Variants in CACNB4 observed in about 807,000 individuals in gnomAD.
CACNB4 encodes voltage-dependent L-type calcium channel subunit beta-4.
In CACNB4, 32 loss-of-function variants were observed where a neutral mutation model predicts 71.2. That is an observed-to-expected ratio of 0.45 (90% CI 0.34 to 0.60). The LOEUF (loss-of-function observed/expected upper bound fraction) is 0.60. CACNB4 is among the 20% of genes least tolerant of loss of function. CACNB4 has a pLI of 0.01. For synonymous variants in CACNB4, 231 were observed against 236.9 expected (o/e 0.97, Z 0.23); for missense variants, 464 against 647.9 (o/e 0.72, Z 3.08).
chr2:151,965,800 C>G (rs186648492), intron 2 of CACNB4, among the ~76,000 whole-genome samples: 3 of 152,058 alleles, frequency 2.0e-5, no homozygotes, highest in African/African-American at 7.2e-5. Flanking sequence ...GCTGGAAGTG[C>G]ACCATGGGTA....
chr2:151,979,481 T>G (rs2151747094), intron 2 of CACNB4, among the ~76,000 whole-genome samples: 1 of 151,526 alleles, frequency 6.6e-6, no homozygotes, highest in Middle Eastern at 3.4e-3. Flanking sequence ...AAAGAGCCAA[T>G]CTCTTAGAAA....
chr2:151,841,230 C>T lies in CACNB4; in HGVS notation c.1302+673G>A, dbSNP rs539047167. On this transcript the variant is annotated intron_variant, in intron 13 of 13. Transcript: ENST00000539935. ...GGGCAGCTGAAAGGCCTATCTGCAC[C>T]TATATATCTTACTTAGCTATTGTGT... Among the ~76,000 whole-genome samples, 73 of 152,286 alleles carry T rather than the reference C, an allele frequency of 4.8e-4. 1 individual carries two copies. In the South Asian group the frequency reaches 0.014, roughly 30 times the overall value.
intron 2 of CACNB4, among the ~76,000 whole-genome samples, chr2:151,953,535 C>T (rs1379026571): frequency 6.6e-6 from 1 of 152,192 alleles, no homozygotes. Context: ...ACAAAAATAT[C>T]TACATCATAA....
chr2:152,044,298 G>A (rs1243816086), intron 2 of CACNB4, among the ~76,000 whole-genome samples: 2 of 152,128 alleles, frequency 1.3e-5, no homozygotes, highest in East Asian at 3.9e-4. Flanking sequence ...TTGGCTCACT[G>A]CAAGCTCCGC....
intron 2 of CACNB4, among the ~76,000 whole-genome samples, chr2:152,054,727 G>A (rs1403416453): frequency 6.6e-6 from 1 of 152,038 alleles, no homozygotes; most frequent in Non-Finnish European, 1.5e-5. Flanking sequence ...CCATATTCTT[G>A]CCAAAAATTA....
chr2:151,993,473 A>T (rs2151765750), intron 2 of CACNB4, among the ~76,000 whole-genome samples: 1 of 152,298 alleles, frequency 6.6e-6, no homozygotes, highest in East Asian at 1.9e-4. Flanking sequence ...TGAGGCACAC[A>T]AATTACAAGA....
At chr2:151,857,170 G>A (rs2099840526) in intron 10 of CACNB4, 2 of 152,290 alleles carry the variant, frequency 1.3e-5, no homozygotes, top group East Asian at 1.9e-4. Context: ...GATTGACAAG[G>A]TGTGCAGGGT....
chr2:151,994,145 CTAAG>C (rs1234203439), intron 2 of CACNB4, among the ~76,000 whole-genome samples: 1 of 151,670 alleles, frequency 6.6e-6, no homozygotes, highest in Non-Finnish European at 1.5e-5. Flanking sequence ...ACACTCCAGC[CTAAG>C]TAAGAGAGAA....
chr2:152,002,621 G>A (rs1682490639), intron 2 of CACNB4, among the ~76,000 whole-genome samples: 1 of 152,128 alleles, frequency 6.6e-6, no homozygotes, highest in Admixed American at 6.6e-5. Context: ...TCTGAGACTT[G>A]GTTCTATCAT....
chr2:152,007,241 G>A (rs559306283), intron 2 of CACNB4, among the ~76,000 whole-genome samples: 1 of 152,134 alleles, frequency 6.6e-6, no homozygotes, highest in African/African-American at 2.4e-5. Context: ...CCATCCGTAA[G>A]TGTGCAGTTC....
intron 2 of CACNB4, among the ~76,000 whole-genome samples, chr2:152,096,357 GC>G (rs1688268016): frequency 6.6e-6 from 1 of 152,098 alleles, no homozygotes; most frequent in Non-Finnish European, 1.5e-5. Flanking sequence ...GATGGCGGGT[GC>G]CTGTAGTCTC....
chr2:152,067,943 T>G (rs1220162269), intron 2 of CACNB4, among the ~76,000 whole-genome samples: 2 of 152,174 alleles, frequency 1.3e-5, no homozygotes, highest in Admixed American at 1.3e-4. Context: ...ATATTAAAAT[T>G]ATATGTTTAG....
Position 152,089,533 on chromosome 2 carries a change from C to G in CACNB4, c.147+8797G>C, listed in dbSNP as rs563897635. Among the ~76,000 whole-genome samples the G allele has an allele frequency of 9.2e-5, 14 of 152,290 alleles. No homozygotes were observed. In the East Asian group the frequency reaches 2.1e-3, roughly 23 times the overall value. On this transcript the variant is annotated intron_variant, in intron 2 of 13. Transcript: ENST00000539935. The stretch of plus-strand genomic sequence containing the variant: ...GATACATGTTTTGAGGCCTGTCACC[C>G]ATTCTCTGCTCACACACTCTGCAGG...
intron 8 of CACNB4, 119 bp downstream of exon 8, chr2:151,870,412 G>T: frequency 1.2e-6 from 1 of 805,356 alleles, no homozygotes; most frequent in Non-Finnish European, 2.1e-6. Flanking sequence ...GCCTTCCCAT[G>T]CTGAGCACTG....
chr2:151,895,096 C>CCACACACA (rs58504924), intron 2 of CACNB4, among the ~76,000 whole-genome samples: 20 of 22,288 alleles, frequency 9.0e-4, no homozygotes, highest in East Asian at 0.014. Flanking sequence ...TCAAATAGCC[C>CCACACACA]CACACACACA....
At chr2:152,035,651 C>CTCTCTCTCTCTCTCTATA (rs796161186) in intron 2 of CACNB4, among the ~76,000 whole-genome samples, 15 of 118,076 alleles carry the variant, frequency 1.3e-4, no homozygotes, top group African/African-American at 4.7e-4. Context: ...CTCTCTCTCT[C>CTCTCTCTCTCTCTCTATA]TATATATATA....
chr2:152,054,767 G>T (rs751579022), intron 2 of CACNB4, among the ~76,000 whole-genome samples: 14 of 152,100 alleles, frequency 9.2e-5, no homozygotes, highest in Non-Finnish European at 1.3e-4. Context: ...CCATCCTAGT[G>T]GGTGTAAAGT....
intron 2 of CACNB4, among the ~76,000 whole-genome samples, chr2:151,919,023 C>T (rs113125218): frequency 5.0e-4 from 76 of 152,214 alleles, no homozygotes; most frequent in African/African-American, 1.7e-3. Flanking sequence ...GGTGTGATTT[C>T]GCCTAGAGCC....
chr2:152,029,512 GA>G (rs58761603), intron 2 of CACNB4, among the ~76,000 whole-genome samples: 24,448 of 133,498 alleles, frequency 0.18, 3,502 homozygotes, highest in East Asian at 0.73. Flanking sequence ...AAAAAAAAAA[GA>G]AAAGAAAAGA....
Sources: allele counts gnomAD v4.1 joint callset (sites outside exome capture counted in the v4.1 genomes callset), GRCh38; gene constraint gnomAD v4.1.1; transcripts MANE v1.5; gene names NCBI Gene and HGNC (gene_info 2026-07-23, HGNC 2026-07-21).